The following DLGAP2 variants were observed in gnomAD, a reference collection of about 807,000 sequenced individuals.
DLGAP2 encodes the protein disks large-associated protein 2.
Under a neutral mutation model 100.3 loss-of-function variants are expected in DLGAP2, and 26 were observed. The ratio of observed to expected loss-of-function variants is 0.26; its 90% CI spans 0.19 to 0.36. The LOEUF (loss-of-function observed/expected upper bound fraction) is 0.36, where lower values mean the gene tolerates loss of function less well. DLGAP2 is among the 10% of genes least tolerant of loss of function. The pLI is 1.00. For missense variants in DLGAP2, 1,858 were observed against 1,453.2 expected (o/e 1.28, Z -4.53); for synonymous variants, 886 against 630.1 (o/e 1.41, Z -6.08).
intron 2 of DLGAP2, among the ~76,000 whole-genome samples, chr8:1,116,975 A>T (rs1805137774): frequency 6.6e-6 from 1 of 152,202 alleles, no homozygotes; most frequent in Non-Finnish European, 1.5e-5. Flanking sequence ...AGATCCCAGG[A>T]TCGCTTCTGC....
rs1798442198 is a variant in DLGAP2 at position 1,227,285 on chromosome 8, TA to T, written c.74-31564del. ...GCCTTATAAAAATAAGATCCTTATG[TA>T]ATGCCTTTCTTTTTCTCCTTTTCGA... On this transcript the variant is annotated intron_variant, in intron 2 of 14. Coordinates refer to ENST00000637795, the MANE Select transcript of DLGAP2 (RefSeq NM_001346810.2). Among the ~76,000 whole-genome samples, 3 of 147,592 alleles carry T rather than the reference TA, an allele frequency of 2.0e-5. No homozygotes were observed. The South Asian group carries it at 6.3e-4, about 31-fold the overall frequency.
At chr8:1,495,566 A>AT (rs753896312) in intron 3 of DLGAP2, among the ~76,000 whole-genome samples, 138 of 152,306 alleles carry the variant, frequency 9.1e-4, no homozygotes, top group Non-Finnish European at 1.2e-3. Context: ...CTGAGACCAC[A>AT]GTGTGCTCGG....
intron 1 of DLGAP2, among the ~76,000 whole-genome samples, chr8:806,630 C>T (rs1796275764): frequency 6.6e-6 from 1 of 152,154 alleles, no homozygotes; most frequent in Non-Finnish European, 1.5e-5. Context: ...TCCTGGGGTC[C>T]CTGCTGACCC....
intron 3 of DLGAP2, chr8:1,300,046 C>G (rs979402046): frequency 1.3e-5 from 2 of 152,136 alleles, no homozygotes; most frequent in African/African-American, 4.8e-5. Flanking sequence ...GACCCTGATC[C>G]ATTCAGATCA....
At chr8:1,382,082 G>A (rs545063984) in intron 3 of DLGAP2, among the ~76,000 whole-genome samples, 2 of 152,092 alleles carry the variant, frequency 1.3e-5, no homozygotes, top group Non-Finnish European at 2.9e-5. Flanking sequence ...TATAACTTTT[G>A]ACTCCCCCAG....
chr8:1,164,164 G>C (rs111673168), intron 2 of DLGAP2, among the ~76,000 whole-genome samples: 226 of 103,886 alleles, frequency 2.2e-3, no homozygotes, highest in Admixed American at 3.1e-3. Flanking sequence ...GAGCCCCCCA[G>C]GGCCCGTCAT....
chr8:1,623,358 G>C (rs557614100), intron 6 of DLGAP2, among the ~76,000 whole-genome samples: 3 of 148,512 alleles, frequency 2.0e-5, no homozygotes, highest in Non-Finnish European at 4.5e-5. Context: ...AGACCTGTGC[G>C]TGATGACCTG....
chr8:1,024,177 GGGGTGGAC>G (rs1801716039), intron 2 of DLGAP2, among the ~76,000 whole-genome samples: 7 of 112,862 alleles, frequency 6.2e-5, no homozygotes, highest in Non-Finnish European at 1.3e-4. Context: ...ACCCTCCCTG[GGGGTGGAC>G]AGTTCCGTGC....
intron 2 of DLGAP2, among the ~76,000 whole-genome samples, chr8:1,050,902 A>G (rs1163546739): frequency 6.7e-6 from 1 of 149,888 alleles, no homozygotes; most frequent in Non-Finnish European, 1.5e-5. Flanking sequence ...TGGGCCTTAG[A>G]TCGAGAGAGG....
chr8:1,563,088 G>A (rs372926496), intron 5 of DLGAP2, among the ~76,000 whole-genome samples: 8 of 42,210 alleles, frequency 1.9e-4, no homozygotes, highest in Non-Finnish European at 2.1e-4. Context: ...GCGCCTCGTT[G>A]CTGGGGGACT....
chr8:1,432,536 G>T (rs1389267729), intron 3 of DLGAP2, among the ~76,000 whole-genome samples: 1 of 152,256 alleles, frequency 6.6e-6, no homozygotes, highest in Admixed American at 6.5e-5. Context: ...AGACAAAAGA[G>T]ATGGGCGAGG....
intron 2 of DLGAP2, among the ~76,000 whole-genome samples, chr8:1,169,267 C>G (rs7820656): frequency 0.19 from 28,520 of 152,198 alleles, 2,871 homozygotes; most frequent in Middle Eastern, 0.34. Flanking sequence ...CAGTACCATG[C>G]TGTTTTGGTT....
intron 10 of DLGAP2, among the ~76,000 whole-genome samples, chr8:1,673,880 A>G (rs1798748843): frequency 1.3e-5 from 2 of 152,322 alleles, no homozygotes; most frequent in South Asian, 4.2e-4. Context: ...GGAAGGAAGG[A>G]AAACTTCCTT....
At chr8:1,100,299 G>T (rs978707497) in intron 2 of DLGAP2, among the ~76,000 whole-genome samples, 6 of 151,712 alleles carry the variant, frequency 4.0e-5, no homozygotes, top group Admixed American at 6.6e-5. Flanking sequence ...AGTGTACAGC[G>T]TGTGTAGGGA....
intron 2 of DLGAP2, among the ~76,000 whole-genome samples, chr8:1,195,680 CG>C (rs1563246047): frequency 6.6e-6 from 1 of 151,992 alleles, no homozygotes; most frequent in African/African-American, 2.4e-5. Context: ...TGTTTATGGA[CG>C]TCTTATCAGG....
At chr8:1,042,311 A>G (rs1802377151) in intron 2 of DLGAP2, among the ~76,000 whole-genome samples, 1 of 152,224 alleles carries the variant, frequency 6.6e-6, no homozygotes, top group African/African-American at 2.4e-5. Flanking sequence ...ATGAGGGAGA[A>G]AATCAACAAC....
At chr8:1,091,115 C>T (rs922768934) in intron 2 of DLGAP2, among the ~76,000 whole-genome samples, 4 of 152,140 alleles carry the variant, frequency 2.6e-5, no homozygotes, top group Admixed American at 2.0e-4. Context: ...AGACCCATCT[C>T]GAGCAGTGGA....
chr8:1,004,951 AG>A (rs1801064243), intron 2 of DLGAP2, among the ~76,000 whole-genome samples: 2 of 152,220 alleles, frequency 1.3e-5, no homozygotes, highest in African/African-American at 4.8e-5. Context: ...GCGTGGCAGC[AG>A]GGATGGTCAC....
chr8:1,701,458 TGCAGCGCGGC>T lies in DLGAP2; in HGVS notation c.*55_*64del. 4.6e-6 allele frequency: 7 copies of T among 1,521,790 alleles called. No homozygotes were observed. Among genetic ancestry groups the T allele is most frequent in the Non-Finnish European group, 5.3e-6 (6 of 1,131,596 alleles). 94.3% of individuals were successfully genotyped at this position (1,521,790 alleles called of 1,614,324 possible). On this transcript the variant is annotated 3_prime_UTR_variant, in exon 15 of 15. Coordinates refer to ENST00000637795, the MANE Select transcript of DLGAP2 (RefSeq NM_001346810.2). ...TCGCTTCCGCTTTCCCGGACGCTTG[TGCAGCGCGGC>T]GCCGCCCTGGTGGTTTCTGTCTCCT...
Sources: gnomAD v4.1 joint callset for allele counts (sites outside exome capture counted in the v4.1 genomes callset) on GRCh38, gnomAD v4.1.1 for gene constraint, MANE v1.5 for transcripts, NCBI Gene and HGNC (gene_info 2026-07-23, HGNC 2026-07-21) for gene names.